The following ACTR10 variants were observed in gnomAD, a reference collection of about 807,000 sequenced individuals.
The protein encoded by ACTR10 is actin-related protein 10.
In ACTR10, 43 loss-of-function variants were observed where a neutral mutation model predicts 56.2. The ratio of observed to expected loss-of-function variants is 0.77; its 90% confidence interval spans 0.60 to 0.99. The LOEUF is 0.99. Ranked by LOEUF, ACTR10 falls within the 50% of genes least tolerant of loss-of-function variation. ACTR10 has a pLI of 0.00. For missense variants in ACTR10, 466 were observed against 507.8 expected (o/e 0.92, Z 0.79); for synonymous variants, 170 against 176.3 (o/e 0.96, Z 0.28).
At chr14:58,219,932 T>C (rs1889224490) in intron 8 of ACTR10, among the ~76,000 whole-genome samples, 1 of 152,206 alleles carries the variant, frequency 6.6e-6, no homozygotes, top group African/African-American at 2.4e-5. Flanking sequence ...GATGATGTGT[T>C]ACTGAAGCAG....
intron 11 of ACTR10, among the ~76,000 whole-genome samples, chr14:58,231,372 G>T (rs142307357): frequency 6.6e-6 from 1 of 152,204 alleles, no homozygotes; most frequent in Non-Finnish European, 1.5e-5. Flanking sequence ...TTAAGACCAG[G>T]GACCAGATTT....
chr14:58,225,263 G>A (rs528798531), intron 10 of ACTR10, among the ~76,000 whole-genome samples: 1 of 152,062 alleles, frequency 6.6e-6, no homozygotes, highest in Admixed American at 6.6e-5. Flanking sequence ...ACCGTTTATT[G>A]ATTTGACTAT....
chr14:58,219,745 AT>A lies in ACTR10; in HGVS notation c.634+21del. 6.6e-7 allele frequency: 1 copy of A among 1,507,138 alleles called. No individual in the cohort carries two copies. The highest frequency in any genetic ancestry group is 8.9e-7 in the Non-Finnish European group (1 of 1,123,458). 93.4% of individuals were successfully genotyped at this position (1,507,138 alleles called of 1,614,324 possible). On this transcript the variant is annotated intron_variant, in intron 8 of 12. Transcript: ENST00000254286. ...GACATTAAAGGTAAACTAAGTTCTCATTTTTGTCCCTTTCATCCTTAAGTGT... is the reference window on the plus strand; with the variant it reads ...GACATTAAAGGTAAACTAAGTTCTCATTTTGTCCCTTTCATCCTTAAGTGT...
intron 3 of ACTR10, among the ~76,000 whole-genome samples, chr14:58,208,545 A>G (rs1302312844): frequency 6.6e-6 from 1 of 151,684 alleles, no homozygotes; most frequent in African/African-American, 2.4e-5. Flanking sequence ...ATATATTACT[A>G]TTGTAACCTA....
chr14:58,223,478 A>G, intron 8 of ACTR10, 144 bp from the exon 9 acceptor site: 1 of 721,684 alleles, frequency 1.4e-6, no homozygotes, highest in Non-Finnish European at 2.3e-6. Flanking sequence ...TTAGCTAACT[A>G]AAGATGGGAA....
intron 7 of ACTR10, among the ~76,000 whole-genome samples, chr14:58,218,743 G>A (rs958608955): frequency 6.6e-6 from 1 of 152,034 alleles, no homozygotes; most frequent in Non-Finnish European, 1.5e-5. Context: ...AGCTATAGAT[G>A]TCTATCTTCC....
In ACTR10 at chr14:58,235,482, T is replaced by A. The variant is rs1261739162; in HGVS notation, c.*931T>A. 1 of 152,266 alleles carries A rather than the reference T, an allele frequency of 6.6e-6. No homozygotes were observed. The highest frequency in any genetic ancestry group is 1.5e-5 in the Non-Finnish European group (1 of 68,044). The allele number at this position is 152,266 out of a possible 1,614,324, so 9.4% of individuals were successfully genotyped here. ...AAGATACTTCATTTTTATATAAGGT[T>A]ACAACTGCTTTATAAAAATGTATTC... On this transcript the variant is annotated 3_prime_UTR_variant, in exon 13 of 13. Coordinates refer to ENST00000254286, the MANE Select transcript of ACTR10 (RefSeq NM_018477.3).
At chr14:58,206,695 G>T (rs1888871548) in intron 2 of ACTR10, among the ~76,000 whole-genome samples, 1 of 152,128 alleles carries the variant, frequency 6.6e-6, no homozygotes, top group Admixed American at 6.6e-5. Flanking sequence ...TTATATATTA[G>T]CATTGACTTA....
Position 58,211,377 on chromosome 14 carries a change from A to G in ACTR10, c.428A>G (p.Tyr143Cys), listed in dbSNP as rs778534247. ...TCTGCCATGGTCCTAGATTGTGGATATAGGGAAAGCCTGGTGTTACCCATA... is the reference window on the plus strand; with the variant it reads ...TCTGCCATGGTCCTAGATTGTGGATGTAGGGAAAGCCTGGTGTTACCCATA... Reference protein sequence around the residue: ...INSAMVLDCGYRESLVLPIYE... With the variant: ...INSAMVLDCGCRESLVLPIYE... Residue 143 changes from tyrosine (Y) to cysteine (C), a missense_variant, in exon 5 of 13, where the codon TAT (tyrosine) becomes TGT (cysteine). Tyr to Cys is a radical substitution (Grantham distance 194). Coordinates refer to ENST00000254286, the MANE Select transcript of ACTR10 (RefSeq NM_018477.3). The G allele has an allele frequency of 1.9e-6, 3 of 1,613,412 alleles. No individual in the cohort carries two copies. The highest frequency in any genetic ancestry group is 1.3e-5 in the African/African-American group (1 of 74,912).
chr14:58,231,777 C>T (rs1398534876), intron 11 of ACTR10, among the ~76,000 whole-genome samples: 1 of 152,188 alleles, frequency 6.6e-6, no homozygotes, highest in African/African-American at 2.4e-5. Context: ...AGTGAGAACA[C>T]TCACATATGC....
chr14:58,208,832 T>C (rs1439680329), intron 3 of ACTR10, among the ~76,000 whole-genome samples, 167 bp from the exon 4 acceptor site: 2 of 152,180 alleles, frequency 1.3e-5, no homozygotes, highest in Non-Finnish European at 2.9e-5. Context: ...GCACGGTACA[T>C]AGTAAGAGGT....
rs762403667 is a variant in ACTR10 at position 58,200,235 on chromosome 14, C to T, written c.18C>T (p.Gly6=). The T allele has an allele frequency of 2.6e-5, 40 of 1,530,866 alleles. No homozygotes were observed. The highest frequency in any genetic ancestry group is 4.3e-5 in the Admixed American group (2 of 46,152). 94.8% of individuals were successfully genotyped at this position (1,530,866 alleles called of 1,614,324 possible). MPLYE[G]LGSGGEKTAV... is the part of the protein sequence containing the mutation. ...TTACTACCATGCCGCTCTACGAGGG[C>T]CTGGGGAGCGGCGGGGAGAAGACGG... The change falls in exon 1 of 13, where the codon GGC becomes GGT. Residue 6 remains glycine, a synonymous_variant. Coordinates refer to ENST00000254286, the MANE Select transcript of ACTR10 (RefSeq NM_018477.3).
At chr14:58,220,820 T>A (rs1594810569) in intron 8 of ACTR10, among the ~76,000 whole-genome samples, 1 of 152,168 alleles carries the variant, frequency 6.6e-6, no homozygotes, top group African/African-American at 2.4e-5. Context: ...AAATTCAAAG[T>A]GTTGTATCCC....
chr14:58,216,230 T>G (rs948926595), intron 7 of ACTR10, among the ~76,000 whole-genome samples: 16 of 152,312 alleles, frequency 1.1e-4, no homozygotes, highest in African/African-American at 3.8e-4. Context: ...GCTCAAGCCA[T>G]CCTCCATTCT....
At chr14:58,203,244 G>C (rs1231978957) in intron 2 of ACTR10, among the ~76,000 whole-genome samples, 1 of 145,252 alleles carries the variant, frequency 6.9e-6, no homozygotes. Flanking sequence ...GGAGGTTGCA[G>C]TGAGCCAAAA....
At chr14:58,228,342 G>T (rs1170841396) in intron 10 of ACTR10, among the ~76,000 whole-genome samples, 4 of 152,220 alleles carry the variant, frequency 2.6e-5, no homozygotes. Flanking sequence ...CATAGGCCGG[G>T]TGCGGTGGCT....
chr14:58,211,017 A>G (rs1308467936), intron 4 of ACTR10: 1 of 287,802 alleles, frequency 3.5e-6, no homozygotes, highest in Non-Finnish European at 6.6e-6. Context: ...CCCTTCCAAA[A>G]GAGAACAAGA....
intron 10 of ACTR10, among the ~76,000 whole-genome samples, chr14:58,228,579 G>C (rs898328861): frequency 2.7e-5 from 4 of 146,830 alleles, no homozygotes; most frequent in African/African-American, 1.0e-4. Context: ...CCATTGCACA[G>C]AGCGAGACTC....
intron 2 of ACTR10, among the ~76,000 whole-genome samples, chr14:58,206,500 T>C (rs1290576363): frequency 1.3e-5 from 2 of 152,202 alleles, no homozygotes; most frequent in African/African-American, 4.8e-5. Context: ...TATCTTCATT[T>C]GAAAAGACAG....
Sources: allele counts gnomAD v4.1 joint callset (sites outside exome capture counted in the v4.1 genomes callset), GRCh38; gene constraint gnomAD v4.1.1; transcripts MANE v1.5; gene names NCBI Gene and HGNC (gene_info 2026-07-23, HGNC 2026-07-21).